TMPRSS11F: variants seen among roughly 807,000 people sequenced by gnomAD.
The protein encoded by TMPRSS11F is transmembrane serine protease 11F, also known as transmembrane protease serine 11F.
TMPRSS11F carries 47 observed loss-of-function variants against 60.2 expected under a neutral mutation model. That is an observed-to-expected ratio of 0.78 (90% CI 0.62 to 1.00). TMPRSS11F has a LOEUF of 1.00. TMPRSS11F is among the 50% of genes least tolerant of loss of function. TMPRSS11F has a pLI of 0.00. For synonymous variants in TMPRSS11F, 166 were observed against 167.3 expected, an observed-to-expected ratio of 0.99 and a Z score of 0.06; for missense variants, 519 against 522.9, an observed-to-expected ratio of 0.99 and a Z score of 0.07.
At chr4:68,090,977 G>A (rs901632611) in intron 2 of TMPRSS11F, among the ~76,000 whole-genome samples, 2 of 152,112 alleles carry the variant, frequency 1.3e-5, no homozygotes, top group African/African-American at 4.8e-5. Flanking sequence ...TTCCCTCAAA[G>A]AATTGCTAAC....
intron 8 of TMPRSS11F, among the ~76,000 whole-genome samples, chr4:68,064,399 T>C (rs1165455793): frequency 6.6e-6 from 1 of 152,004 alleles, no homozygotes; most frequent in Admixed American, 6.6e-5. Flanking sequence ...GTTGGCCAGG[T>C]GTGTCTTGAA....
intron 1 of TMPRSS11F, among the ~76,000 whole-genome samples, chr4:68,100,137 C>G (rs1332367172): frequency 6.6e-6 from 1 of 151,374 alleles, no homozygotes; most frequent in Non-Finnish European, 1.5e-5. Flanking sequence ...GGGGTAAAAA[C>G]ATAAATAAAA....
chr4:68,069,652 A>T (rs1416492203), intron 6 of TMPRSS11F, among the ~76,000 whole-genome samples: 1 of 152,074 alleles, frequency 6.6e-6, no homozygotes, highest in East Asian at 1.9e-4. Context: ...AAATGTTACC[A>T]GTTTAAAACA....
chr4:68,065,415 A>G (rs910751376), intron 7 of TMPRSS11F, among the ~76,000 whole-genome samples: 5 of 151,948 alleles, frequency 3.3e-5, no homozygotes, highest in African/African-American at 4.8e-5. Flanking sequence ...TTTTTTCTCT[A>G]CCCTACGCCC....
At chr4:68,112,575 C>A (rs1017688907) in intron 1 of TMPRSS11F, among the ~76,000 whole-genome samples, 59 of 152,068 alleles carry the variant, frequency 3.9e-4, no homozygotes, top group African/African-American at 1.4e-3. Context: ...GAGACTCCTG[C>A]CTCTAAAAAA....
chr4:68,103,098 C>G lies in TMPRSS11F; in HGVS notation c.12-4060G>C, dbSNP rs1003182480. 4.2e-4 allele frequency among the ~76,000 whole-genome samples: 62 copies of G among 148,286 alleles called. 1 individual carries two copies. Among genetic ancestry groups the G allele is most frequent in the Admixed American group, 3.5e-3 (51 of 14,516 alleles). On this transcript the variant is annotated intron_variant, in intron 1 of 9. Coordinates refer to ENST00000356291, the MANE Select transcript of TMPRSS11F (RefSeq NM_207407.2). ...TTTATTGGTACCAATACCACTTATTCAGAAACTATCCTTTCCTTATTGTGT... is the reference window on the plus strand; with the variant it reads ...TTTATTGGTACCAATACCACTTATTGAGAAACTATCCTTTCCTTATTGTGT...
rs181809827 is a variant in TMPRSS11F, at chr4:68,112,449, T to A, written c.12-13411A>T. Among the ~76,000 whole-genome samples, 297 of 152,312 alleles carry A rather than the reference T, an allele frequency of 1.9e-3. 2 individuals carry two copies. Among genetic ancestry groups the A allele is most frequent in the African/African-American group, 6.9e-3 (285 of 41,582 alleles). On this transcript the variant is annotated intron_variant, in intron 1 of 9. Coordinates refer to ENST00000356291, the MANE Select transcript of TMPRSS11F (RefSeq NM_207407.2). ...GGGGCTAATATTTTTATGTTATTTG[T>A]TGTGCTCTCTCTGCTAAGCTTATGT...
rs545706775 is a variant in TMPRSS11F at position 68,086,949 on chromosome 4, A to G, written c.282+3574T>C. 1.6e-3 allele frequency among the ~76,000 whole-genome samples: 250 copies of G among 152,260 alleles called. 1 individual carries two copies. Among genetic ancestry groups the G allele is most frequent in the African/African-American group, 5.8e-3 (243 of 41,554 alleles). ...GCCAAATTCTACCAGACATACACAGAAAAATGGGTACCAATCCTACTGAAA... is the reference window on the plus strand; with the variant it reads ...GCCAAATTCTACCAGACATACACAGGAAAATGGGTACCAATCCTACTGAAA... On this transcript the variant is annotated intron_variant, in intron 3 of 9. Coordinates refer to ENST00000356291, the MANE Select transcript of TMPRSS11F (RefSeq NM_207407.2).
At position 68,068,394 on chromosome 4, in the gene TMPRSS11F, C is replaced by T. The variant is rs550358305; in HGVS notation, c.755+224G>A. 4.3e-4 allele frequency among the ~76,000 whole-genome samples: 65 copies of T among 152,120 alleles called. 2 individuals carry two copies. The South Asian group carries it at 0.013, about 31-fold the overall frequency. ...ATATAATATATAATAGGAAAGACAG[C>T]ACTAGGGTCATGATGATAGAGGAAA... On this transcript the variant is annotated intron_variant, in intron 7 of 9. Transcript: ENST00000356291.
At chr4:68,125,049 T>C (rs10031258) in intron 1 of TMPRSS11F, among the ~76,000 whole-genome samples, 55,311 of 149,574 alleles carry the variant, frequency 0.37, 12,454 homozygotes, top group Non-Finnish European at 0.52. Flanking sequence ...TCATTCCATA[T>C]ATTATATTCT....
chr4:68,084,731 T>A (rs1016996373), intron 3 of TMPRSS11F, among the ~76,000 whole-genome samples: 1 of 152,082 alleles, frequency 6.6e-6, no homozygotes, highest in Admixed American at 6.5e-5. Context: ...TTTATTTTTT[T>A]ATGTTCTTTT....
chr4:68,095,486 C>T (rs896931806), intron 2 of TMPRSS11F, among the ~76,000 whole-genome samples: 2 of 152,022 alleles, frequency 1.3e-5, no homozygotes, highest in African/African-American at 2.4e-5. Flanking sequence ...TATCCTACAC[C>T]AAATTAGCAA....
intron 1 of TMPRSS11F, among the ~76,000 whole-genome samples, chr4:68,117,462 T>G (rs549701253): frequency 2.1e-3 from 194 of 90,750 alleles, no homozygotes; most frequent in African/African-American, 7.7e-3. Context: ...AGCGAGACTC[T>G]GTCTCAAAAA....
At position 68,053,608 on chromosome 4, in the gene TMPRSS11F, G is replaced by GTTCC; in HGVS notation, c.*297_*300dup. 1 of 235,724 alleles carries GTTCC rather than the reference G, an allele frequency of 4.2e-6. No homozygotes were observed. The highest frequency in any genetic ancestry group is 8.2e-6 in the Non-Finnish European group (1 of 122,666). 14.6% of individuals were successfully genotyped at this position (235,724 alleles called of 1,614,324 possible). A position where few individuals can be genotyped will look rare whatever the true frequency, so the allele number is the denominator to read the frequency against. On this transcript the variant is annotated 3_prime_UTR_variant, in exon 10 of 10. Coordinates refer to ENST00000356291, the MANE Select transcript of TMPRSS11F (RefSeq NM_207407.2). ...CTCTTCATATCCTGTGGAAAATGAT[G>GTTCC]TTCCTGTCTTCAATTGAGGGAAACC...
At chr4:68,055,829 T>C (rs1162666863) in intron 9 of TMPRSS11F, among the ~76,000 whole-genome samples, 2 of 152,120 alleles carry the variant, frequency 1.3e-5, no homozygotes, top group Non-Finnish European at 2.9e-5. Context: ...CAAATTCAAA[T>C]AGATTAAAGG....
intron 2 of TMPRSS11F, among the ~76,000 whole-genome samples, chr4:68,096,622 G>T (rs533791064): frequency 1.3e-5 from 2 of 152,120 alleles, no homozygotes; most frequent in Non-Finnish European, 2.9e-5. Context: ...AAAAGTCACT[G>T]ATTTTATTAA....
chr4:68,113,031 A>G (rs1206035314), intron 1 of TMPRSS11F, among the ~76,000 whole-genome samples: 3 of 152,194 alleles, frequency 2.0e-5, no homozygotes, highest in Non-Finnish European at 4.4e-5. Flanking sequence ...ACTCCACCCA[A>G]CAACATAATA....
chr4:68,083,054 A>C (rs1477138276), intron 3 of TMPRSS11F, among the ~76,000 whole-genome samples: 1 of 152,194 alleles, frequency 6.6e-6, no homozygotes, highest in African/African-American at 2.4e-5. Flanking sequence ...GGGCAAAAAA[A>C]CTGTGAGCCA....
chr4:68,108,168 A>G (rs745909892), intron 1 of TMPRSS11F, among the ~76,000 whole-genome samples: 27 of 152,212 alleles, frequency 1.8e-4, no homozygotes, highest in Non-Finnish European at 3.2e-4. Flanking sequence ...TGGATTCAGA[A>G]TATATTTTGA....
Sources: gnomAD v4.1 joint callset for allele counts (sites outside exome capture counted in the v4.1 genomes callset) on GRCh38, gnomAD v4.1.1 for gene constraint, MANE v1.5 for transcripts, NCBI Gene and HGNC (gene_info 2026-07-23, HGNC 2026-07-21) for gene names.